Variants in SORCS2 observed in about 807,000 individuals in gnomAD.
The protein encoded by SORCS2 is VPS10 domain-containing receptor SorCS2.
A neutral mutation model predicts 141.6 loss-of-function variants in SORCS2; 100 were observed. The ratio of observed to expected loss-of-function variants is 0.71; its 90% CI spans 0.60 to 0.83. SORCS2 has a LOEUF of 0.83. SORCS2 is among the 40% of genes least tolerant of loss of function. The pLI, the probability that SORCS2 is intolerant of heterozygous loss-of-function variation, is 0.00. For synonymous variants in SORCS2, 789 were observed against 676.9 expected (o/e 1.17, Z -2.57); for missense variants, 1,646 against 1,560.2 (o/e 1.05, Z -0.93).
intron 2 of SORCS2, among the ~76,000 whole-genome samples, chr4:7,510,627 G>T (rs113963879): frequency 5.3e-5 from 8 of 150,824 alleles, no homozygotes; most frequent in African/African-American, 1.9e-4. Context: ...ATGCCACCCC[G>T]GGGCCGGCGC....
intron 3 of SORCS2, among the ~76,000 whole-genome samples, chr4:7,614,649 C>G (rs534061676): frequency 6.6e-6 from 1 of 151,722 alleles, no homozygotes; most frequent in South Asian, 2.1e-4. Flanking sequence ...ATCCATCCAC[C>G]TATCCACCCA....
Position 7,440,206 on chromosome 4 carries a change from G to C in SORCS2, c.548+43851G>C, listed in dbSNP as rs551909730. ...CCTGGCCACAATGGAATTAGGGAGC[G>C]GGGGAGGAGGCTGCGTTGCAGGTAG... is the stretch of plus-strand genomic sequence containing the variant. On this transcript the variant is annotated intron_variant, in intron 2 of 26. Coordinates refer to ENST00000507866, the MANE Select transcript of SORCS2 (RefSeq NM_020777.3). 1.4e-4 allele frequency among the ~76,000 whole-genome samples: 21 copies of C among 152,306 alleles called. No individual in the cohort carries two copies. The South Asian group carries it at 3.7e-3, about 27-fold the overall frequency.
At chr4:7,215,862 A>G (rs1190147237) in intron 1 of SORCS2, among the ~76,000 whole-genome samples, 3 of 152,154 alleles carry the variant, frequency 2.0e-5, no homozygotes, top group Admixed American at 6.5e-5. Context: ...AAACGCACCA[A>G]TCAGCACCCT....
At position 7,256,001 on chromosome 4, in the gene SORCS2, C is replaced by A. The variant is rs535124008; in HGVS notation, c.480+62875C>A. Among the ~76,000 whole-genome samples, 44 of 151,432 alleles carry A rather than the reference C, an allele frequency of 2.9e-4. No individual in the cohort carries two copies. The East Asian group carries it at 8.1e-3, about 28-fold the overall frequency. ...GACCCGGGATTGGTGCATGGGGACC[C>A]TGGGCTGGAGTGTGGGGTCCTAGGT... On this transcript the variant is annotated intron_variant, in intron 1 of 26. Coordinates refer to ENST00000507866, the MANE Select transcript of SORCS2 (RefSeq NM_020777.3).
chr4:7,492,403 G>A (rs1013137590), intron 2 of SORCS2, among the ~76,000 whole-genome samples: 2 of 152,182 alleles, frequency 1.3e-5, no homozygotes, highest in Admixed American at 1.3e-4. Context: ...GAATGACAGG[G>A]GTCGTCCCTT....
At chr4:7,733,259 C>T in intron 23 of SORCS2, 63 bp from the exon 24 acceptor site, 1 of 1,300,162 alleles carries the variant, frequency 7.7e-7, no homozygotes, top group Non-Finnish European at 1.0e-6. Flanking sequence ...ACCCCATCCC[C>T]CTTCCCTTTT....
chr4:7,527,756 C>A (rs1002662772), intron 2 of SORCS2, among the ~76,000 whole-genome samples: 1 of 152,154 alleles, frequency 6.6e-6, no homozygotes, highest in African/African-American at 2.4e-5. Flanking sequence ...GCCCTCATGC[C>A]AGGTGCTCCT....
At chr4:7,714,427 C>T in intron 16 of SORCS2, 54 bp downstream of exon 16, 1 of 1,523,950 alleles carries the variant, frequency 6.6e-7, no homozygotes, top group Non-Finnish European at 8.8e-7. Context: ...AGCATCCTCA[C>T]AGCATGGCGG....
intron 1 of SORCS2, among the ~76,000 whole-genome samples, chr4:7,219,057 C>G (rs1224678697): frequency 6.6e-6 from 1 of 152,164 alleles, no homozygotes; most frequent in East Asian, 1.9e-4. Flanking sequence ...GCACAGCTGG[C>G]TCCTACTCAT....
chr4:7,261,469 T>C (rs1266786370), intron 1 of SORCS2, among the ~76,000 whole-genome samples: 2 of 152,238 alleles, frequency 1.3e-5, no homozygotes, highest in Non-Finnish European at 2.9e-5. Context: ...AATCATGCCA[T>C]GGACATTTAT....
At chr4:7,305,498 C>T (rs562088047) in intron 1 of SORCS2, among the ~76,000 whole-genome samples, 3 of 152,284 alleles carry the variant, frequency 2.0e-5, no homozygotes, top group Admixed American at 1.3e-4. Context: ...GCTCCCCTCT[C>T]CGTCGTCTGC....
At chr4:7,235,613 G>T (rs2108782269) in intron 1 of SORCS2, among the ~76,000 whole-genome samples, 1 of 152,366 alleles carries the variant, frequency 6.6e-6, no homozygotes, top group Non-Finnish European at 1.5e-5. Context: ...CCTGGGAAGG[G>T]GGTGATAGGC....
At chr4:7,392,788 G>A (rs1577491849) in intron 1 of SORCS2, among the ~76,000 whole-genome samples, 1 of 152,218 alleles carries the variant, frequency 6.6e-6, no homozygotes, top group East Asian at 1.9e-4. Context: ...CTGGGCCTGG[G>A]CACAAGAGCT....
chr4:7,352,306 A>G (rs1396908226), intron 1 of SORCS2, among the ~76,000 whole-genome samples: 1 of 152,194 alleles, frequency 6.6e-6, no homozygotes, highest in Non-Finnish European at 1.5e-5. Flanking sequence ...AACACATTCA[A>G]GTTTGAATGA....
Position 7,740,205 on chromosome 4 carries a change from C to T in SORCS2, c.3421C>T (p.His1141Tyr). The change falls in exon 27 of 27, where the codon CAC (histidine) becomes TAC (tyrosine). Residue 1141 changes from histidine to tyrosine, a missense_variant. Transcript: ENST00000507866. ...EDVQGAVQGNHSGVVLSINSR... is the reference protein window; with the variant it reads ...EDVQGAVQGNYSGVVLSINSR... ...GCGTCTCTTCTGTTTCCTAGGCAAC[C>T]ACTCAGGCGTGGTCCTGAGCATCAA... 1 of 1,608,100 alleles carries T rather than the reference C, an allele frequency of 6.2e-7. No individual in the cohort carries two copies. The highest frequency in any genetic ancestry group is 8.5e-7 in the Non-Finnish European group (1 of 1,178,982).
intron 1 of SORCS2, among the ~76,000 whole-genome samples, chr4:7,315,035 A>T (rs11726185): frequency 6.6e-6 from 1 of 151,912 alleles, no homozygotes; most frequent in African/African-American, 2.4e-5. Context: ...GTTTCATTAT[A>T]TTGGCCAGGC....
rs564441805 is a variant in SORCS2, at chr4:7,365,673, C to T, written c.481-30615C>T. Among the ~76,000 whole-genome samples the T allele has an allele frequency of 1.7e-3, 254 of 152,312 alleles. 2 individuals carry two copies. The highest frequency in any genetic ancestry group is 5.8e-3 in the African/African-American group (241 of 41,578). ...CAGCTGCTGACACTCAGGGTTGGTG[C>T]AGACAATGGGCACCCCGGCGTGCAG... On this transcript the variant is annotated intron_variant, in intron 1 of 26. Coordinates refer to ENST00000507866, the MANE Select transcript of SORCS2 (RefSeq NM_020777.3).
chr4:7,254,593 A>G (rs988414190), intron 1 of SORCS2, among the ~76,000 whole-genome samples: 7 of 152,320 alleles, frequency 4.6e-5, no homozygotes, highest in African/African-American at 1.7e-4. Flanking sequence ...TACACCCACT[A>G]TACCATCTAT....
chr4:7,453,985 G>T (rs80263579), intron 2 of SORCS2, among the ~76,000 whole-genome samples: 1,883 of 112,968 alleles, frequency 0.017, 33 homozygotes, highest in African/African-American at 0.031. Flanking sequence ...TTGGGGTCAG[G>T]TGCTGTGTGT....
Sources: allele counts gnomAD v4.1 joint callset (sites outside exome capture counted in the v4.1 genomes callset), GRCh38; gene constraint gnomAD v4.1.1; transcripts MANE v1.5; gene names NCBI Gene and HGNC (gene_info 2026-07-23, HGNC 2026-07-21).